HTT: variants seen among roughly 807,000 people sequenced by gnomAD.
HTT encodes the protein huntingtin, also known as huntington disease protein.
A neutral mutation model predicts 362.3 loss-of-function variants in HTT; 104 were observed. That is an observed-to-expected ratio of 0.29 (90% CI 0.24 to 0.34). HTT has a LOEUF of 0.34. Among genes scored for constraint, HTT ranks in the 10% least tolerant of loss-of-function variants. The pLI is 1.00. For synonymous variants in HTT, 1,577 were observed against 1,548.7 expected (o/e 1.02, Z -0.43); for missense variants, 3,301 against 3,928.6 (o/e 0.84, Z 4.27).
At position 3,223,433 on chromosome 4, in the gene HTT, G is replaced by A. The variant is rs371399733; in HGVS notation, c.7498G>A (p.Val2500Ile). The A allele has an allele frequency of 1.9e-5, 31 of 1,604,380 alleles. No homozygotes were observed. The highest frequency in any genetic ancestry group is 2.7e-5 in the African/African-American group (2 of 74,612). Residue 2500 changes from valine (V) to isoleucine (I), a missense_variant, in exon 55 of 67, where the codon GTC (valine) becomes ATC (isoleucine). Val to Ile is a conservative substitution (Grantham distance 29). This residue lies in a region of HTT where 753 missense variants were observed against 1,021.3 expected (regional missense o/e 0.74). Coordinates refer to ENST00000355072, the MANE Select transcript of HTT (RefSeq NM_001388492.1). ...EEDTERTQIN[V>I]LAVQAITSLV... Reference sequence around the variant, plus strand: ...AGACACAGAGAGGACCCAGATCAACGTCCTGGCCGTGCAGGCCATCACCTC... The same window carrying A: ...AGACACAGAGAGGACCCAGATCAACATCCTGGCCGTGCAGGCCATCACCTC...
intron 8 of HTT, among the ~76,000 whole-genome samples, chr4:3,118,319 A>G (rs1715130414): frequency 6.6e-6 from 1 of 152,184 alleles, no homozygotes. Context: ...AGGCTGCTTG[A>G]TCATAAAAGT....
At chr4:3,212,222 A>G (rs1041464821) in intron 48 of HTT, 80 bp downstream of exon 48, 59 of 1,096,904 alleles carry the variant, frequency 5.4e-5, no homozygotes, top group Non-Finnish European at 7.1e-5. Context: ...TAAATGTACA[A>G]TAAAGGCAGT....
chr4:3,077,949 A>G (rs1188519156), intron 1 of HTT, among the ~76,000 whole-genome samples: 1 of 152,222 alleles, frequency 6.6e-6, no homozygotes, highest in African/African-American at 2.4e-5. Context: ...TCAAAGTAAG[A>G]TTGATGAAAG....
chr4:3,232,475 G>C (rs1721302334), intron 60 of HTT, among the ~76,000 whole-genome samples: 2 of 152,332 alleles, frequency 1.3e-5, no homozygotes, highest in Non-Finnish European at 2.9e-5. Flanking sequence ...CGTGGGCTAA[G>C]TGTTTAGGTC....
At position 3,220,232 on chromosome 4, in the gene HTT, A is replaced by G. The variant is rs939595018; in HGVS notation, c.7293A>G (p.Ala2431=). The change falls in exon 53 of 67, where the codon GCA becomes GCG. Residue 2431 remains alanine, a synonymous_variant. Coordinates refer to ENST00000355072, the MANE Select transcript of HTT (RefSeq NM_001388492.1). ...AACCGGGAGGGGATTTTGGCACAGC[A>G]TTCCCTGAGATCCCCGTGGAGTTCC... ...SPKPGGDFGT[A]FPEIPVEFLQ... is the part of the protein sequence containing the mutation. The G allele has an allele frequency of 3.1e-6, 5 of 1,614,128 alleles. No homozygotes were observed. Among genetic ancestry groups the G allele is most frequent in the Non-Finnish European group, 4.2e-6 (5 of 1,179,994 alleles).
intron 22 of HTT, among the ~76,000 whole-genome samples, chr4:3,141,236 T>A (rs1716330630): frequency 6.6e-6 from 1 of 152,260 alleles, no homozygotes; most frequent in African/African-American, 2.4e-5. Context: ...GCAGAAGTGA[T>A]AAGACTTGTG....
chr4:3,214,263 T>C (rs1339511959), intron 50 of HTT, 128 bp downstream of exon 50: 4 of 625,414 alleles, frequency 6.4e-6, no homozygotes, highest in African/African-American at 1.9e-5. Flanking sequence ...AGATAAAATA[T>C]GCATCAGGAA....
At chr4:3,213,911 A>G (rs1415754318) in intron 49 of HTT, 47 bp from the exon 50 acceptor site, 1 of 1,440,138 alleles carries the variant, frequency 6.9e-7, no homozygotes. Context: ...GCTTCCCCAA[A>G]CGAAGGTACA....
intron 40 of HTT, among the ~76,000 whole-genome samples, chr4:3,193,142 C>G (rs868067523): frequency 6.6e-6 from 1 of 152,260 alleles, no homozygotes; most frequent in South Asian, 2.1e-4. Context: ...CCCGGCCGCA[C>G]GGCGCCACAG....
intron 10 of HTT, chr4:3,123,545 A>C (rs1344162597): frequency 4.6e-5 from 7 of 152,242 alleles, no homozygotes; most frequent in Non-Finnish European, 8.8e-5. Context: ...AAAAACAGCC[A>C]CGCATGTGGC....
At chr4:3,205,527 A>G (rs1020659989) in intron 42 of HTT, among the ~76,000 whole-genome samples, 5 of 152,150 alleles carry the variant, frequency 3.3e-5, no homozygotes, top group Admixed American at 6.5e-5. Context: ...ACAGAAATAT[A>G]AGAAAAAAGA....
In HTT at chr4:3,159,592, T is replaced by C. The variant is rs542923368; in HGVS notation, c.3754-690T>C. 1.1e-4 allele frequency among the ~76,000 whole-genome samples: 17 copies of C among 152,362 alleles called. No homozygotes were observed. In the South Asian group the frequency reaches 1.2e-3, roughly 11 times the overall value. ...CTCACATTTTCAGTTTCTGTGTCTG[T>C]CTCTTGCCTGCTTCTGACTTCGCCC... On this transcript the variant is annotated intron_variant, in intron 28 of 66. Coordinates refer to ENST00000355072, the MANE Select transcript of HTT (RefSeq NM_001388492.1).
chr4:3,220,470 C>CTT (rs1331600767), intron 53 of HTT, among the ~76,000 whole-genome samples, 162 bp downstream of exon 53: 1 of 152,160 alleles, frequency 6.6e-6, no homozygotes, highest in Non-Finnish European at 1.5e-5. Flanking sequence ...TGGCAAAACT[C>CTT]CTTTTATACT....
intron 23 of HTT, among the ~76,000 whole-genome samples, chr4:3,144,951 A>G (rs1439217549): frequency 6.6e-6 from 1 of 152,210 alleles, no homozygotes; most frequent in Non-Finnish European, 1.5e-5. Flanking sequence ...TCATTGGGAT[A>G]TAATTGCCAT....
At chr4:3,087,388 T>G (rs1420258238) in intron 2 of HTT, among the ~76,000 whole-genome samples, 2 of 152,332 alleles carry the variant, frequency 1.3e-5, no homozygotes, top group Non-Finnish European at 1.5e-5. Flanking sequence ...TCTCTCTTAT[T>G]TGCTTTTTCT....
rs1721793156 is a variant in HTT at position 3,241,363 on chromosome 4, C to G, written c.*1304C>G. On this transcript the variant is annotated 3_prime_UTR_variant, in exon 67 of 67. Coordinates refer to ENST00000355072, the MANE Select transcript of HTT (RefSeq NM_001388492.1). Reference sequence around the variant, plus strand: ...CCCTGTCAGAGCCGCCACTCCTATCCCCAGGCCAGGTCCCTGGACCAGCCT... The same window carrying G: ...CCCTGTCAGAGCCGCCACTCCTATCGCCAGGCCAGGTCCCTGGACCAGCCT... The G allele has an allele frequency of 6.6e-6, 1 of 152,440 alleles. No homozygotes were observed. The highest frequency in any genetic ancestry group is 1.9e-4 in the East Asian group (1 of 5,194). 9.4% of individuals were successfully genotyped at this position (152,440 alleles called of 1,614,324 possible). A position where few individuals can be genotyped will look rare whatever the true frequency, so the allele number is the denominator to read the frequency against.
intron 61 of HTT, among the ~76,000 whole-genome samples, chr4:3,233,896 C>G (rs1721389339): frequency 6.6e-6 from 1 of 152,236 alleles, no homozygotes; most frequent in South Asian, 2.1e-4. Flanking sequence ...TCTGTGACAC[C>G]CTGGTCTCAC....
chr4:3,158,822 A>G (rs1717298141), intron 28 of HTT, among the ~76,000 whole-genome samples: 1 of 152,152 alleles, frequency 6.6e-6, no homozygotes, highest in Non-Finnish European at 1.5e-5. Flanking sequence ...AATGCCGTAG[A>G]GAAGATACTT....
In HTT at chr4:3,154,341, C is replaced by T; in HGVS notation, c.3547C>T (p.Arg1183Ter). ...TNPPSLSPIRRKGKEKEPGEQ... is the reference protein window; with the variant it reads ...TNPPSLSPIR ...CCCCCCTTCTCTAAGTCCCATCCGA[C>T]GAAAGGGGAAGGAGAAAGAACCAGG... The change falls in exon 27 of 67, where the codon CGA becomes TGA. Residue 1183 changes from arginine to a stop codon, truncating the protein, a stop_gained. Coordinates refer to ENST00000355072, the MANE Select transcript of HTT (RefSeq NM_001388492.1). LOFTEE classifies it high-confidence loss of function. 3.1e-6 allele frequency: 5 copies of T among 1,612,008 alleles called. No homozygotes were observed. The highest frequency in any genetic ancestry group is 4.2e-6 in the Non-Finnish European group (5 of 1,179,052).
Sources: gnomAD v4.1 joint callset for allele counts (sites outside exome capture counted in the v4.1 genomes callset) on GRCh38, gnomAD v4.1.1 for gene constraint, gnomAD v4.1.1 regional missense constraint, MANE v1.5 for transcripts, NCBI Gene and HGNC (gene_info 2026-07-23, HGNC 2026-07-21) for gene names.